AFF1: variants seen among roughly 807,000 people sequenced by gnomAD.
AFF1 encodes the protein AF4/FMR2 family member 1.
In AFF1, 48 loss-of-function variants were observed where a neutral mutation model predicts 121.7. The ratio of observed to expected loss-of-function variants is 0.39; its 90% CI spans 0.31 to 0.50. AFF1 has a LOEUF of 0.50. Ranked by LOEUF, AFF1 falls within the 20% of genes least tolerant of loss-of-function variation. AFF1 has a pLI of 0.76. For synonymous variants in AFF1, 613 were observed against 563.0 expected, an observed-to-expected ratio of 1.09 and a Z score of -1.26; for missense variants, 1,523 against 1,511.7, an observed-to-expected ratio of 1.01 and a Z score of -0.12.
At chr4:87,072,341 C>G (rs1192306018) in intron 4 of AFF1, among the ~76,000 whole-genome samples, 3 of 121,516 alleles carry the variant, frequency 2.5e-5, no homozygotes, top group Admixed American at 2.1e-4. Flanking sequence ...CCAGCCTGGG[C>G]AACAGAGCGA....
At chr4:87,080,531 A>C (rs929451733) in intron 4 of AFF1, among the ~76,000 whole-genome samples, 7 of 152,062 alleles carry the variant, frequency 4.6e-5, no homozygotes, top group African/African-American at 1.7e-4. Context: ...GGGAGAGTGG[A>C]TTTTAGGAAA....
chr4:86,983,562 A>T (rs754496721), intron 2 of AFF1, among the ~76,000 whole-genome samples: 2 of 151,918 alleles, frequency 1.3e-5, no homozygotes, highest in East Asian at 3.9e-4. Context: ...TAAAAATACT[A>T]AAAATATAAA....
At chr4:87,051,372 C>A (rs1429186584) in intron 4 of AFF1, among the ~76,000 whole-genome samples, 1 of 151,638 alleles carries the variant, frequency 6.6e-6, no homozygotes, top group Admixed American at 6.6e-5. Context: ...TGTTTCTTGG[C>A]CTCACTTTTA....
At chr4:87,040,382 A>T (rs1480906262) in intron 2 of AFF1, among the ~76,000 whole-genome samples, 10 of 152,152 alleles carry the variant, frequency 6.6e-5, no homozygotes, top group Admixed American at 5.2e-4. Context: ...CCTTTTTGAG[A>T]CTAAAGAAAT....
intron 2 of AFF1, among the ~76,000 whole-genome samples, chr4:87,018,892 A>C (rs1434292975): frequency 6.6e-6 from 1 of 152,246 alleles, no homozygotes; most frequent in African/African-American, 2.4e-5. Flanking sequence ...GAGCCATCAA[A>C]TAAGGGATGT....
chr4:86,997,961 G>C (rs935245962), intron 2 of AFF1, among the ~76,000 whole-genome samples: 3 of 151,988 alleles, frequency 2.0e-5, no homozygotes, highest in African/African-American at 4.8e-5. Flanking sequence ...TGCCAGGTGT[G>C]GTGGCACATG....
At chr4:87,111,463 C>T (rs1039584445) in intron 11 of AFF1, among the ~76,000 whole-genome samples, 26 of 152,020 alleles carry the variant, frequency 1.7e-4, no homozygotes, top group Non-Finnish European at 2.8e-4. Context: ...AAGTGATTCT[C>T]CTGCCTCAGC....
intron 2 of AFF1, among the ~76,000 whole-genome samples, chr4:86,956,008 A>G (rs555088252): frequency 7.9e-4 from 121 of 152,314 alleles, no homozygotes; most frequent in Non-Finnish European, 5.6e-4. Flanking sequence ...TCAAGGGCCA[A>G]ACTTCTAGAT....
At chr4:87,003,119 T>G (rs1401241942) in intron 2 of AFF1, among the ~76,000 whole-genome samples, 1 of 152,234 alleles carries the variant, frequency 6.6e-6, no homozygotes, top group African/African-American at 2.4e-5. Context: ...TATAATCTAG[T>G]ATCATCCCAC....
Position 87,135,916 on chromosome 4 carries a change from A to G in AFF1, c.*215A>G. On this transcript the variant is annotated 3_prime_UTR_variant, in exon 21 of 21. Coordinates refer to ENST00000395146, the MANE Select transcript of AFF1 (RefSeq NM_001166693.3). ...AAGCAGAGATGAGGAGGCTGGCCCC[A>G]GAGATGATCTTGCCCTTCCTAACTA... 1 of 685,900 alleles carries G rather than the reference A, an allele frequency of 1.5e-6. No individual in the cohort carries two copies. The highest frequency in any genetic ancestry group is 2.1e-6 in the Non-Finnish European group (1 of 470,484). The allele number at this position is 685,900 out of a possible 1,614,324, so 42.5% of individuals were successfully genotyped here. A position where few individuals can be genotyped will look rare whatever the true frequency, so the allele number is the denominator to read the frequency against.
intron 2 of AFF1, among the ~76,000 whole-genome samples, chr4:86,984,575 G>A (rs947583519): frequency 3.9e-5 from 6 of 152,004 alleles, no homozygotes; most frequent in Non-Finnish European, 7.4e-5. Context: ...CGCCCGCCTC[G>A]GCCTCCCAAA....
intron 2 of AFF1, among the ~76,000 whole-genome samples, chr4:87,033,652 C>A (rs1729277764): frequency 6.6e-6 from 1 of 151,978 alleles, no homozygotes; most frequent in Admixed American, 6.6e-5. Flanking sequence ...AGAAGAGGTG[C>A]CTTTTAAAAT....
intron 4 of AFF1, among the ~76,000 whole-genome samples, chr4:87,070,871 A>G (rs1721963926): frequency 6.6e-6 from 1 of 152,238 alleles, no homozygotes; most frequent in Admixed American, 6.5e-5. Flanking sequence ...TTATGTGATG[A>G]AAAGCTAATA....
Position 87,114,543 on chromosome 4 carries a change from C to A in AFF1, c.1710C>A (p.Pro570=). The A allele has an allele frequency of 6.2e-7, 1 of 1,611,884 alleles. No homozygotes were observed. ...SQEHSESKDP[P]PKSSSKAPRA... is the part of the protein sequence containing the mutation. ...AGCATTCTGAATCCAAAGATCCTCC[C>A]CCTAAAAGCTCCAGCAAAGCCCCCC... The change falls in exon 12 of 21, where the codon CCC becomes CCA. Residue 570 remains proline (P), a synonymous_variant. Transcript: ENST00000395146.
At chr4:87,080,495 A>G (rs1000328272) in intron 4 of AFF1, among the ~76,000 whole-genome samples, 1 of 152,186 alleles carries the variant, frequency 6.6e-6, no homozygotes, top group African/African-American at 2.4e-5. Flanking sequence ...TAGTAGGAGT[A>G]GCAGTATTTG....
chr4:87,096,354 A>G (rs1201396539), intron 8 of AFF1, among the ~76,000 whole-genome samples: 3 of 76,854 alleles, frequency 3.9e-5, no homozygotes, highest in East Asian at 3.7e-4. Flanking sequence ...CCCAGGCTGG[A>G]GTACAGAGGA....
intron 14 of AFF1, among the ~76,000 whole-genome samples, chr4:87,126,563 AAAATC>A (rs1728269665): frequency 6.6e-6 from 1 of 152,238 alleles, no homozygotes; most frequent in East Asian, 1.9e-4. Context: ...TCAGAGGTGA[AAAATC>A]AAAATAGATT....
At chr4:87,109,753 CAT>C (rs370068178) in intron 11 of AFF1, among the ~76,000 whole-genome samples, 35 of 152,144 alleles carry the variant, frequency 2.3e-4, no homozygotes, top group Middle Eastern at 3.2e-3. Context: ...AGTAATGAGA[CAT>C]AGATATATTT....
intron 15 of AFF1, 51 bp downstream of exon 15, chr4:87,127,168 C>CCT: frequency 4.0e-6 from 5 of 1,252,036 alleles, no homozygotes; most frequent in Non-Finnish European, 3.4e-6. Flanking sequence ...GTTTTGCTTC[C>CCT]CCCCCCCACC....
Sources: gnomAD v4.1 joint callset for allele counts (sites outside exome capture counted in the v4.1 genomes callset) on GRCh38, gnomAD v4.1.1 for gene constraint, MANE v1.5 for transcripts, NCBI Gene and HGNC (gene_info 2026-07-23, HGNC 2026-07-21) for gene names.